The following ITGA1 variants were observed in gnomAD, a reference collection of about 807,000 sequenced individuals.
ITGA1 encodes the protein integrin subunit alpha 1.
A neutral mutation model predicts 145.9 loss-of-function variants in ITGA1; 85 were observed. That is an observed-to-expected ratio of 0.58 (90% CI 0.49 to 0.70). The LOEUF is 0.70. Among genes scored for constraint, ITGA1 ranks in the 30% least tolerant of loss-of-function variants. ITGA1 has a pLI of 0.00. For synonymous variants in ITGA1, 520 were observed against 495.3 expected (o/e 1.05, Z -0.66); for missense variants, 1,351 against 1,418.7 (o/e 0.95, Z 0.77).
chr5:52,828,010 A>G (rs572459036), intron 1 of ITGA1, among the ~76,000 whole-genome samples: 3 of 152,316 alleles, frequency 2.0e-5, no homozygotes, highest in South Asian at 2.1e-4. Context: ...ATAATATTCT[A>G]TTGTATGGAT....
chr5:52,886,146 A>C (rs1162744150), intron 7 of ITGA1, among the ~76,000 whole-genome samples: 1 of 152,162 alleles, frequency 6.6e-6, no homozygotes, highest in Non-Finnish European at 1.5e-5. Flanking sequence ...GTCTAGAAGA[A>C]GATGTAAAGG....
intron 22 of ITGA1, chr5:52,933,573 T>C (rs1476648403): frequency 1.2e-5 from 2 of 160,922 alleles, no homozygotes; most frequent in African/African-American, 4.8e-5. Context: ...CATTTTAGTT[T>C]CATTTTTCAC....
chr5:52,910,243 G>T lies in ITGA1; in HGVS notation c.1681G>T (p.Glu561Ter). The change falls in exon 14 of 29, where the codon GAA (glutamate) becomes TAA (stop). Residue 561 changes from glutamate (E) to a stop codon, truncating the protein, a stop_gained. Transcript: ENST00000282588. LOFTEE classifies it high-confidence loss of function. Reference protein sequence around the residue: ...SSRQHNSCTTENKNEPCGARF... With the variant: ...SSRQHNSCTT The stretch of plus-strand genomic sequence containing the variant: ...TCGGCAGCACAATTCATGCACAACA[G>T]AAAACAAAAATGAGCCATGCGGGGC... 1 of 1,613,952 alleles carries T rather than the reference G, an allele frequency of 6.2e-7. No homozygotes were observed. Among genetic ancestry groups the T allele is most frequent in the South Asian group, 1.1e-5 (1 of 91,080 alleles).
intron 1 of ITGA1, chr5:52,800,288 A>G (rs768421563): frequency 1.6e-6 from 2 of 1,264,712 alleles, no homozygotes; most frequent in Admixed American, 2.1e-5. Context: ...GCCCTTAGAA[A>G]CCGGGCCCCG....
intron 1 of ITGA1, among the ~76,000 whole-genome samples, chr5:52,838,069 T>G (rs568782773): frequency 6.6e-6 from 1 of 152,320 alleles, no homozygotes; most frequent in South Asian, 2.1e-4. Context: ...TTACATTCGT[T>G]TGGCTTATTT....
At chr5:52,835,111 C>G (rs1009585453) in intron 1 of ITGA1, among the ~76,000 whole-genome samples, 1 of 152,158 alleles carries the variant, frequency 6.6e-6, no homozygotes, top group African/African-American at 2.4e-5. Context: ...TACAGCTATG[C>G]TATCTACCTG....
chr5:52,873,513 C>T (rs1749817185), intron 6 of ITGA1, among the ~76,000 whole-genome samples: 1 of 152,210 alleles, frequency 6.6e-6, no homozygotes, highest in Non-Finnish European at 1.5e-5. Context: ...AAATAATCAT[C>T]TACCTGTAAA....
intron 1 of ITGA1, among the ~76,000 whole-genome samples, chr5:52,836,198 T>C (rs1319266477): frequency 6.6e-6 from 1 of 152,200 alleles, no homozygotes; most frequent in Non-Finnish European, 1.5e-5. Context: ...TATGAGTTCC[T>C]GGAGCAGCAC....
chr5:52,819,697 G>A (rs958504656), intron 1 of ITGA1, among the ~76,000 whole-genome samples: 15 of 152,154 alleles, frequency 9.9e-5, no homozygotes, highest in Non-Finnish European at 1.8e-4. Context: ...ATTGCTTTCG[G>A]TGTTTTAGAC....
At chr5:52,826,500 A>G (rs1220870173) in intron 1 of ITGA1, among the ~76,000 whole-genome samples, 1 of 152,248 alleles carries the variant, frequency 6.6e-6, no homozygotes. Flanking sequence ...TGAACAACAG[A>G]TTTTTAGTGT....
Position 52,955,262 on chromosome 5 carries a change from A to G in ITGA1, c.*2811A>G, listed in dbSNP as rs544510033. Reference sequence around the variant, plus strand: ...CCAAAGTGACCCTAATCAGCTTACAAAATTCCTGGAAATGTATCTGCCACC... The same window carrying G: ...CCAAAGTGACCCTAATCAGCTTACAGAATTCCTGGAAATGTATCTGCCACC... On this transcript the variant is annotated 3_prime_UTR_variant, in exon 29 of 29. Transcript: ENST00000282588. The G allele has an allele frequency of 6.6e-6, 1 of 152,308 alleles. No individual in the cohort carries two copies. Among genetic ancestry groups the G allele is most frequent in the South Asian group, 2.1e-4 (1 of 4,826 alleles). The allele number at this position is 152,308 out of a possible 1,614,324, so 9.4% of individuals were successfully genotyped here. A position where few individuals can be genotyped will look rare whatever the true frequency, so the allele number is the denominator to read the frequency against.
At chr5:52,796,887 G>A (rs530556537) in intron 1 of ITGA1, among the ~76,000 whole-genome samples, 1 of 152,196 alleles carries the variant, frequency 6.6e-6, no homozygotes, top group South Asian at 2.1e-4. Flanking sequence ...ATGAAAGGAA[G>A]TGACATTTTA....
chr5:52,820,125 G>A (rs1193273254), intron 1 of ITGA1, among the ~76,000 whole-genome samples: 1 of 151,900 alleles, frequency 6.6e-6, no homozygotes, highest in Non-Finnish European at 1.5e-5. Context: ...ACTTGGCAAT[G>A]CAGGCTCATT....
At chr5:52,888,948 T>C (rs7729490) in intron 8 of ITGA1, among the ~76,000 whole-genome samples, 79,513 of 151,954 alleles carry the variant, frequency 0.52, 20,930 homozygotes, top group South Asian at 0.59. Context: ...GGATGAGGGC[T>C]TTACTGAAGC....
intron 6 of ITGA1, among the ~76,000 whole-genome samples, chr5:52,877,375 G>C (rs1479288800): frequency 1.3e-5 from 2 of 152,092 alleles, no homozygotes; most frequent in African/African-American, 4.8e-5. Context: ...GGTAGGAGGC[G>C]AGACTTGACT....
intron 11 of ITGA1, chr5:52,904,776 C>T (rs967932140): frequency 6.6e-6 from 1 of 151,532 alleles, no homozygotes. Context: ...TGGCGTGAAC[C>T]CGGGAGGCGG....
chr5:52,879,738 C>G (rs565780064), intron 6 of ITGA1, among the ~76,000 whole-genome samples: 2 of 151,982 alleles, frequency 1.3e-5, no homozygotes, highest in Admixed American at 6.6e-5. Context: ...TTTTGGTCAC[C>G]TTTATTCCAA....
chr5:52,935,424 G>A (rs1303103825), intron 23 of ITGA1, among the ~76,000 whole-genome samples: 1 of 152,096 alleles, frequency 6.6e-6, no homozygotes. Flanking sequence ...TATATTTAGT[G>A]AAGAGATTAT....
rs1468536098 is a variant in ITGA1 at position 52,909,094 on chromosome 5, A to AT, written c.1599+59dup. On this transcript the variant is annotated intron_variant, in intron 13 of 28. Coordinates refer to ENST00000282588, the MANE Select transcript of ITGA1 (RefSeq NM_181501.2). ...CCAGGAAAATCTCTTCCTTCTCTTC[A>AT]TTTTTTAATAATAAATTCCAATTTT... is the stretch of plus-strand genomic sequence containing the variant. 4 of 1,544,036 alleles carry AT rather than the reference A, an allele frequency of 2.6e-6. No homozygotes were observed. The Admixed American group carries it at 6.4e-5, about 25-fold the overall frequency.
Sources: gnomAD v4.1 joint callset for allele counts (sites outside exome capture counted in the v4.1 genomes callset) on GRCh38, gnomAD v4.1.1 for gene constraint, MANE v1.5 for transcripts, NCBI Gene and HGNC (gene_info 2026-07-23, HGNC 2026-07-21) for gene names.